EHMT2: variants seen among roughly 807,000 people sequenced by gnomAD.
EHMT2 encodes euchromatic histone lysine methyltransferase 2, also known as histone-lysine N-methyltransferase EHMT2.
In EHMT2, 59 loss-of-function variants were observed where a neutral mutation model predicts 143.3. The observed-to-expected ratio is 0.41, with a 90% CI of 0.33 to 0.51. EHMT2 has a LOEUF of 0.51. Ranked by LOEUF, EHMT2 falls within the 20% of genes least tolerant of loss-of-function variation. The pLI is 0.18. For synonymous variants in EHMT2, 604 were observed against 651.5 expected, an observed-to-expected ratio of 0.93 and a Z score of 1.11; for missense variants, 1,174 against 1,645.9, an observed-to-expected ratio of 0.71 and a Z score of 4.96.
chr6:31,892,694 C>T, exon 6 of EHMT2: 2 of 1,613,130 alleles, frequency 1.2e-6, no homozygotes, highest in South Asian at 1.1e-5. Context: ...TGCTGCTTAC[C>T]AGGCCACCTC....
exon 28 of EHMT2, chr6:31,879,812 G>C: frequency 5.8e-6 from 3 of 514,890 alleles, no homozygotes; most frequent in Non-Finnish European, 7.0e-6. Context: ...TTGGCATAGA[G>C]GCCCGACTTC....
intron 18 of EHMT2, 58 bp downstream of exon 18, chr6:31,886,523 A>C: frequency 1.3e-6 from 2 of 1,545,642 alleles, no homozygotes; most frequent in Non-Finnish European, 1.8e-6. Context: ...GCCTGAGGCC[A>C]AGCCAAGGAA....
At position 31,883,179 on chromosome 6, in the gene EHMT2, C is replaced by A; in HGVS notation, c.2995-170G>T. 1.2e-6 allele frequency: 1 copy of A among 864,530 alleles called. No individual in the cohort carries two copies. The highest frequency in any genetic ancestry group is 1.8e-6 in the Non-Finnish European group (1 of 542,294). 53.6% of individuals were successfully genotyped at this position (864,530 alleles called of 1,614,324 possible). A position where few individuals can be genotyped will look rare whatever the true frequency, so the allele number is the denominator to read the frequency against. Reference sequence around the variant, plus strand: ...AGCATCATCCCTGGTTTGCATAGACCTGGGCACACGCCCATCGCTGTCCCA... The same window carrying A: ...AGCATCATCCCTGGTTTGCATAGACATGGGCACACGCCCATCGCTGTCCCA... On this transcript the variant is annotated intron_variant, in intron 23 of 27. Coordinates refer to ENST00000375537, the Ensembl canonical transcript of EHMT2. The surrounding 1 kb of genome is among the most constrained non-coding windows in gnomAD (Gnocchi z 5.6).
chr6:31,880,675 T>C lies in EHMT2; in HGVS notation c.3450A>G (p.Leu1150=). 6.2e-7 allele frequency: 1 copy of C among 1,613,586 alleles called. No individual in the cohort carries two copies. The highest frequency in any genetic ancestry group is 1.7e-5 in the Admixed American group (1 of 60,006). Residue 1150 remains leucine (L), a splice_region_variant and synonymous_variant, in exon 27 of 28, where the codon CTA becomes CTG. Transcript: ENST00000375537. The surrounding 1 kb of genome is among the most constrained non-coding windows in gnomAD (Gnocchi z 6.6). ...CCTAGAGACCCCTAGAGTCTCACCC[T>C]AGCTCCTCCCCAGTCCGGATGTCTC...
At position 31,880,092 on chromosome 6, in the gene EHMT2, T is replaced by C; in HGVS notation, c.3625A>G (p.Asn1209Asp). Residue 1209 changes from asparagine to aspartate, a missense_variant, in exon 28 of 28, where the codon AAC becomes GAC. By Grantham distance (23) the Asn-to-Asp change is conservative (BLOSUM62 1). Around this residue, in one of 6 missense-constraint regions of EHMT2, gnomAD observed 42 missense variants for 45.1 expected, o/e 0.93. Coordinates refer to ENST00000375537, the Ensembl canonical transcript of EHMT2. This position sits in a 1 kb window ranked among gnomAD's most constrained non-coding sequence, Gnocchi z 6.6. ...GAGGGTGTGGTCCGTTCTCATGTGTTGACAGGGGGCAGGGAGCCGAGCTCG... is the reference window on the plus strand; with the variant it reads ...GAGGGTGTGGTCCGTTCTCATGTGTCGACAGGGGGCAGGGAGCCGAGCTCG... 6.2e-7 allele frequency: 1 copy of C among 1,612,416 alleles called. No homozygotes were observed. The highest frequency in any genetic ancestry group is 8.5e-7 in the Non-Finnish European group (1 of 1,179,864).
chr6:31,896,426 G>C lies in EHMT2; in HGVS notation c.419C>G (p.Ser140Ter). The C allele has an allele frequency of 6.2e-7, 1 of 1,613,058 alleles. No homozygotes were observed. The highest frequency in any genetic ancestry group is 8.5e-7 in the Non-Finnish European group (1 of 1,180,038). The stretch of plus-strand genomic sequence containing the variant: ...AGCCAAACTCTGGACAGATGGAGGT[G>C]ATTTTCCCGCCCCTGTCATTGACAT... Residue 140 changes from serine (S) to a stop codon, truncating the protein, a stop_gained, in exon 4 of 28, where the codon TCA becomes TGA. Transcript: ENST00000375537. LOFTEE classifies it high-confidence loss of function.
At chr6:31,897,032 A>T in intron 1 of EHMT2, 43 bp from the exon 2 acceptor site, 5 of 1,527,394 alleles carry the variant, frequency 3.3e-6, no homozygotes, top group Admixed American at 2.2e-5. Context: ...TCAGCCCAGT[A>T]GAGAGTTGGG....
At chr6:31,896,119 T>G in intron 4 of EHMT2, 144 bp downstream of exon 4, 5 of 1,214,010 alleles carry the variant, frequency 4.1e-6, no homozygotes, top group Non-Finnish European at 5.7e-6. Flanking sequence ...GGTTCACAGA[T>G]CAAGCACAGC....
chr6:31,894,412 G>A (rs1233480782), intron 4 of EHMT2, among the ~76,000 whole-genome samples: 1 of 151,942 alleles, frequency 6.6e-6, no homozygotes, highest in East Asian at 1.9e-4. Flanking sequence ...CTCCCAAAGT[G>A]CTGGGATTAC....
intron 1 of EHMT2, 40 bp downstream of exon 1, chr6:31,897,596 G>C: frequency 1.8e-6 from 2 of 1,128,818 alleles, no homozygotes; most frequent in Non-Finnish European, 2.2e-6. Flanking sequence ...CCGGGCGCGC[G>C]CGCGGGCATG....
In EHMT2 at chr6:31,888,023, G is replaced by T; in HGVS notation, c.1745+18C>A. The T allele has an allele frequency of 6.4e-7, 1 of 1,572,298 alleles. No individual in the cohort carries two copies. The stretch of plus-strand genomic sequence containing the variant: ...GGTGGGGGAGGGAACAGACAGTACA[G>T]AAGGGGGAGGCCAGTACCTGGGCTG... On this transcript the variant is annotated intron_variant, in intron 13 of 27. Transcript: ENST00000375537. This position sits in a 1 kb window ranked among gnomAD's most constrained non-coding sequence, Gnocchi z 7.4.
At chr6:31,885,667 T>TA (rs2151611343) in intron 18 of EHMT2, 1 of 152,348 alleles carries the variant, frequency 6.6e-6, no homozygotes, top group African/African-American at 2.4e-5. Context: ...TGCAGAGAGC[T>TA]ATGACTGTCT....
At position 31,880,974 on chromosome 6, in the gene EHMT2, G is replaced by A. The variant is rs1236077435; in HGVS notation, c.3276+40C>T. The A allele has an allele frequency of 1.2e-6, 2 of 1,608,956 alleles. No homozygotes were observed. Among genetic ancestry groups the A allele is most frequent in the African/African-American group, 2.7e-5 (2 of 74,918 alleles). On this transcript the variant is annotated intron_variant, in intron 26 of 27. Coordinates refer to ENST00000375537, the Ensembl canonical transcript of EHMT2. The surrounding 1 kb of genome is among the most constrained non-coding windows in gnomAD (Gnocchi z 6.6). The stretch of plus-strand genomic sequence containing the variant: ...ACTTCCCAGAGGCTCCTGAAAGCCA[G>A]CCCTGGGGAGCAGCAGGGTAAGGAG...
chr6:31,881,338 G>A lies in EHMT2; in HGVS notation c.3198-246C>T, dbSNP rs1581877571. Reference sequence around the variant, plus strand: ...TGTGGTTAAGGGGATTAATGTGTAGGGGCAGTTGGCCTGGGTGGGGAAGTT... The same window carrying A: ...TGTGGTTAAGGGGATTAATGTGTAGAGGCAGTTGGCCTGGGTGGGGAAGTT... On this transcript the variant is annotated intron_variant, in intron 25 of 27. Transcript: ENST00000375537. The surrounding 1 kb of genome is among the most constrained non-coding windows in gnomAD (Gnocchi z 4.8). 1 of 588,944 alleles carries A rather than the reference G, an allele frequency of 1.7e-6. No individual in the cohort carries two copies. 36.5% of individuals were successfully genotyped at this position (588,944 alleles called of 1,614,324 possible). A position where few individuals can be genotyped will look rare whatever the true frequency, so the allele number is the denominator to read the frequency against.
chr6:31,883,951 C>A lies in EHMT2; in HGVS notation c.2772-1G>T. 6.2e-7 allele frequency: 1 copy of A among 1,613,264 alleles called. No homozygotes were observed. Among genetic ancestry groups the A allele is most frequent in the South Asian group, 1.1e-5 (1 of 91,048 alleles). On this transcript the variant is annotated splice_acceptor_variant, in intron 21 of 27. Transcript: ENST00000375537. LOFTEE classifies it high-confidence loss of function. The surrounding 1 kb of genome is among the most constrained non-coding windows in gnomAD (Gnocchi z 5.6). ...GTTCTCATAGCCCCGAGCCACGTCC[C>A]TGCAGAAGACGGGAAGAAGGGGCTG...
At position 31,882,682 on chromosome 6, in the gene EHMT2, T is replaced by C. The variant is rs1302996301; in HGVS notation, c.3197+17A>G. On this transcript the variant is annotated intron_variant, in intron 25 of 27. Coordinates refer to ENST00000375537, the Ensembl canonical transcript of EHMT2. ...ATCCCCTTCCCACCAGGTGTTAAGG[T>C]GCTCCCGGTGACTTACTCGCAGATG... 6.8e-6 allele frequency: 11 copies of C among 1,608,720 alleles called. No homozygotes were observed. Among genetic ancestry groups the C allele is most frequent in the Admixed American group, 1.7e-5 (1 of 59,482 alleles).
intron 4 of EHMT2, among the ~76,000 whole-genome samples, chr6:31,894,436 C>G (rs1766098364): frequency 6.6e-6 from 1 of 151,770 alleles, no homozygotes; most frequent in Admixed American, 6.6e-5. Context: ...CGTGAGGCAC[C>G]CCGCCTGGCC....
exon 17 of EHMT2, chr6:31,886,797 C>T (rs201900192): frequency 5.8e-5 from 93 of 1,614,130 alleles, no homozygotes; most frequent in South Asian, 4.4e-5. Context: ...ACAGCCACCA[C>T]GCTGCACCAT....
In EHMT2 at chr6:31,888,297, T is replaced by C. The variant is rs754391674; in HGVS notation, c.1510-21A>G. 5.0e-6 allele frequency: 8 copies of C among 1,612,204 alleles called. No homozygotes were observed. In the South Asian group the frequency reaches 6.6e-5, roughly 13 times the overall value. On this transcript the variant is annotated intron_variant, in intron 12 of 27. Coordinates refer to ENST00000375537, the Ensembl canonical transcript of EHMT2. The surrounding 1 kb of genome is among the most constrained non-coding windows in gnomAD (Gnocchi z 7.4). ...GTGCCCTGGGAGCAGGGAAACGACA[T>C]GGTCAGGTTACTGGGGCCCCCTCTG...
Sources: allele counts gnomAD v4.1 joint callset (sites outside exome capture counted in the v4.1 genomes callset), GRCh38; gene constraint gnomAD v4.1.1; regional missense constraint gnomAD v4.1.1; non-coding constraint Gnocchi (gnomAD v3.1); transcripts MANE v1.5; gene names NCBI Gene and HGNC (gene_info 2026-07-23, HGNC 2026-07-21).